Variants in RANBP2 observed in about 807,000 individuals in gnomAD.
RANBP2 encodes the protein E3 SUMO-protein ligase RanBP2.
In RANBP2, 57 loss-of-function variants were observed where a neutral mutation model predicts 303.6. The observed-to-expected ratio is 0.19, with a 90% confidence interval of 0.15 to 0.23. RANBP2 has a LOEUF of 0.23. Ranked by LOEUF, RANBP2 falls within the 10% of genes least tolerant of loss-of-function variation. RANBP2 has a pLI of 1.00. For synonymous variants in RANBP2, 1,167 were observed against 1,301.5 expected (o/e 0.90, Z 2.23); for missense variants, 3,138 against 3,780.8 (o/e 0.83, Z 4.46).
the RANBP2 span, among the ~76,000 whole-genome samples, chr2:109,422,385 C>T: frequency 3.9e-5 from 6 of 152,156 alleles, no homozygotes; most frequent in African/African-American, 1.4e-4. Context: ...AAACATGAGC[C>T]CTTGAGATTA....
chr2:109,055,552 C>T, the RANBP2 span, among the ~76,000 whole-genome samples: 1,647 of 151,238 alleles, frequency 0.011, 35 homozygotes, highest in African/African-American at 0.038. Context: ...CTTTTCTTTT[C>T]TTTTTTGTAT....
chr2:109,365,616 A>G, the RANBP2 span, among the ~76,000 whole-genome samples: 1 of 152,192 alleles, frequency 6.6e-6, no homozygotes, highest in Non-Finnish European at 1.5e-5. Context: ...TGTGTGTGCT[A>G]ATACACCTTT....
chr2:109,669,033 G>A, the RANBP2 span, among the ~76,000 whole-genome samples: 2 of 152,038 alleles, frequency 1.3e-5, no homozygotes, highest in African/African-American at 4.8e-5. Flanking sequence ...TCAATGAAAG[G>A]GAATAGAGGA....
At chr2:109,121,288 A>G in the RANBP2 span, among the ~76,000 whole-genome samples, 1 of 151,292 alleles carries the variant, frequency 6.6e-6, no homozygotes, top group Admixed American at 6.6e-5. Flanking sequence ...ACAAAACAAA[A>G]CAAAACAAGA....
the RANBP2 span, among the ~76,000 whole-genome samples, chr2:109,632,599 G>A: frequency 6.6e-6 from 1 of 152,180 alleles, no homozygotes; most frequent in African/African-American, 2.4e-5. Flanking sequence ...GGATCACAAG[G>A]TCAGAAGCTC....
At position 108,764,028 on chromosome 2, in the gene RANBP2, GGAT is replaced by G. The variant is rs764080872; in HGVS notation, c.3501_3503del (p.Asp1168del). On this transcript the variant is annotated inframe_deletion, in exon 20 of 29. Coordinates refer to ENST00000283195, the MANE Select transcript of RANBP2 (RefSeq NM_006267.5). ...AGACAGATGGAGGAAGTGCCCATGG[GGAT>G]GATGATGATGACGGTCCTCACTTTG... 6.2e-7 allele frequency: 1 copy of G among 1,613,896 alleles called. No individual in the cohort carries two copies. Among genetic ancestry groups the G allele is most frequent in the Non-Finnish European group, 8.5e-7 (1 of 1,179,854 alleles).
intron 6 of RANBP2, among the ~76,000 whole-genome samples, chr2:108,737,156 A>AC (rs749809222): frequency 4.5e-4 from 68 of 152,302 alleles, no homozygotes; most frequent in Non-Finnish European, 8.1e-4. Context: ...CTAAATTGGT[A>AC]GGGTAAGAGC....
chr2:109,329,534 C>T, the RANBP2 span, among the ~76,000 whole-genome samples: 2 of 152,216 alleles, frequency 1.3e-5, no homozygotes, highest in Admixed American at 6.5e-5. Flanking sequence ...CCCCATTCTC[C>T]CTTCCCTGCA....
chr2:108,905,692 G>A, the RANBP2 span, among the ~76,000 whole-genome samples: 10 of 152,172 alleles, frequency 6.6e-5, no homozygotes, highest in Admixed American at 2.0e-4. Context: ...TTATCTTTGG[G>A]GTTAATAAGA....
chr2:109,501,784 C>T, the RANBP2 span: 1 of 630,382 alleles, frequency 1.6e-6, no homozygotes, highest in African/African-American at 1.8e-5. Context: ...CTCCAAGGCA[C>T]CTGGCGGGGG....
the RANBP2 span, among the ~76,000 whole-genome samples, chr2:109,332,025 C>A: frequency 1.3e-5 from 2 of 152,160 alleles, no homozygotes; most frequent in Non-Finnish European, 2.9e-5. Context: ...CAGCGGTTAC[C>A]GGAAATCTGT....
chr2:109,374,299 G>A, the RANBP2 span, among the ~76,000 whole-genome samples: 1 of 152,184 alleles, frequency 6.6e-6, no homozygotes, highest in Non-Finnish European at 1.5e-5. Flanking sequence ...TGGGCTCCAC[G>A]CCACACACCC....
chr2:109,565,806 G>C, the RANBP2 span: 1 of 1,614,020 alleles, frequency 6.2e-7, no homozygotes, highest in East Asian at 2.2e-5. Flanking sequence ...TGACCATCTT[G>C]TTTCCGACTT....
chr2:109,070,935 G>A, the RANBP2 span, among the ~76,000 whole-genome samples: 3 of 152,032 alleles, frequency 2.0e-5, no homozygotes, highest in Admixed American at 2.0e-4. Context: ...GTGGGGCACG[G>A]GCTGCTCCTT....
At chr2:108,786,251 CCTT>C (rs1371538100), downstream of RANBP2, among the ~76,000 whole-genome samples, 1 of 127,432 alleles carries the variant, frequency 7.8e-6, no homozygotes, top group Non-Finnish European at 1.7e-5. Context: ...CTCAGCTTTC[CCTT>C]TTTTTTTTTT....
the RANBP2 span, among the ~76,000 whole-genome samples, chr2:109,259,521 C>T: frequency 2.6e-5 from 4 of 152,142 alleles, no homozygotes; most frequent in African/African-American, 7.2e-5. Flanking sequence ...CAGGACTCTC[C>T]GGGGCCCTTC....
At chr2:109,569,138 T>C in the RANBP2 span, among the ~76,000 whole-genome samples, 1 of 151,990 alleles carries the variant, frequency 6.6e-6, no homozygotes, top group Non-Finnish European at 1.5e-5. Context: ...AGATTAAAAG[T>C]AAAAAATTGA....
At chr2:108,776,283 CAA>C (rs1326479980) in intron 24 of RANBP2, among the ~76,000 whole-genome samples, 3 of 152,030 alleles carry the variant, frequency 2.0e-5, no homozygotes, top group African/African-American at 7.2e-5. Flanking sequence ...CAAGCATATT[CAA>C]AGTGTTTTAA....
At chr2:109,613,137 T>C in the RANBP2 span, 2 of 1,282,992 alleles carry the variant, frequency 1.6e-6, no homozygotes, top group Non-Finnish European at 2.0e-6. Flanking sequence ...AAACTCGATG[T>C]ACACGACCTT....
Sources: allele counts gnomAD v4.1 joint callset (sites outside exome capture counted in the v4.1 genomes callset), GRCh38; gene constraint gnomAD v4.1.1; transcripts MANE v1.5; gene names NCBI Gene and HGNC (gene_info 2026-07-23, HGNC 2026-07-21).